RPGRIP1: variants seen among roughly 807,000 people sequenced by gnomAD.
The protein encoded by RPGRIP1 is X-linked retinitis pigmentosa GTPase regulator-interacting protein 1.
In RPGRIP1, 128 loss-of-function variants were observed where a neutral mutation model predicts 157.9. The ratio of observed to expected loss-of-function variants is 0.81; its 90% CI spans 0.70 to 0.94. RPGRIP1 has a LOEUF of 0.94. RPGRIP1 is among the 40% of genes least tolerant of loss of function. The probability of loss-of-function intolerance (pLI) is 0.00; values close to 1 mark genes in which losing one functional copy is unlikely to be tolerated. For synonymous variants in RPGRIP1, 554 were observed against 571.6 expected (o/e 0.97, Z 0.44); for missense variants, 1,486 against 1,545.8 (o/e 0.96, Z 0.65).
intron 10 of RPGRIP1, among the ~76,000 whole-genome samples, chr14:21,314,322 G>A (rs1881672152): frequency 6.6e-6 from 1 of 152,078 alleles, no homozygotes; most frequent in African/African-American, 2.4e-5. Flanking sequence ...GGGCTCAAGT[G>A]ATCTGCCTGC....
At chr14:21,349,013 G>T (rs1480476990) in intron 24 of RPGRIP1, among the ~76,000 whole-genome samples, 1 of 150,782 alleles carries the variant, frequency 6.6e-6, no homozygotes, top group Non-Finnish European at 1.5e-5. Context: ...CACATTCACT[G>T]GTCATTAAGT....
intron 4 of RPGRIP1, 107 bp downstream of exon 4, chr14:21,301,344 C>A (rs892537461): frequency 2.0e-5 from 24 of 1,209,278 alleles, no homozygotes; most frequent in South Asian, 2.9e-5. Flanking sequence ...CCATTTTGTT[C>A]TTTTGTTCTC....
chr14:21,350,981 AGATT>A (rs1886215968), intron 24 of RPGRIP1, 119 bp from the exon 25 acceptor site: 1 of 588,096 alleles, frequency 1.7e-6, no homozygotes, highest in African/African-American at 1.9e-5. Context: ...CTCCTTCACT[AGATT>A]GAGTCCTCTT....
At position 21,312,489 on chromosome 14, in the gene RPGRIP1, T is replaced by C. The variant is rs1395270436; in HGVS notation, c.1134T>C (p.Tyr378=). Reference sequence around the variant, plus strand: ...AACGAAAATTGCTGAATGACAATTATGACAAACTCTTAGAAAGGTGAGTAC... The same window carrying C: ...AACGAAAATTGCTGAATGACAATTACGACAAACTCTTAGAAAGGTGAGTAC... The part of the protein sequence containing the change: ...EKERKLLNDN[Y]DKLLESMLDS... The change falls in exon 10 of 25, where the codon TAT becomes TAC. Residue 378 remains tyrosine (Y), a synonymous_variant. Transcript: ENST00000400017. 3.1e-6 allele frequency: 5 copies of C among 1,610,864 alleles called. No individual in the cohort carries two copies. Among genetic ancestry groups the C allele is most frequent in the African/African-American group, 1.3e-5 (1 of 74,882 alleles).
intron 21 of RPGRIP1, among the ~76,000 whole-genome samples, chr14:21,335,917 G>T (rs147691756): frequency 5.9e-5 from 9 of 152,276 alleles, no homozygotes; most frequent in Non-Finnish European, 1.2e-4. Flanking sequence ...CTCTTAAGTC[G>T]CTGCTGCCTG....
chr14:21,305,205 C>T (rs1881250145), intron 6 of RPGRIP1, among the ~76,000 whole-genome samples: 1 of 152,188 alleles, frequency 6.6e-6, no homozygotes, highest in Non-Finnish European at 1.5e-5. Flanking sequence ...CTCTGTGTTC[C>T]ACCTAGTCAT....
intron 1 of RPGRIP1, among the ~76,000 whole-genome samples, 149 bp downstream of exon 1, chr14:21,280,308 A>T (rs1880081485): frequency 7.4e-6 from 1 of 135,732 alleles, no homozygotes; most frequent in Admixed American, 8.6e-5. Context: ...CACCGGCACT[A>T]TCTCTGCTCA....
chr14:21,281,700 A>AAAAAAAC (rs1555363829), intron 1 of RPGRIP1, among the ~76,000 whole-genome samples: 1 of 107,780 alleles, frequency 9.3e-6, no homozygotes, highest in Non-Finnish European at 1.8e-5. Context: ...AAAAAAAAAA[A>AAAAAAAC]AATAAATAAT....
Position 21,343,146 on chromosome 14 carries a change from C to A in RPGRIP1, c.3450C>A (p.Asp1150Glu), listed in dbSNP as rs527354795. 6.2e-7 allele frequency: 1 copy of A among 1,613,714 alleles called. No homozygotes were observed. The highest frequency in any genetic ancestry group is 2.2e-5 in the East Asian group (1 of 44,882). The change falls in exon 22 of 25, where the codon GAC (aspartate) becomes GAA (glutamate). Residue 1150 changes from aspartate (D) to glutamate (E), a missense_variant. By Grantham distance (45) the Asp-to-Glu change is conservative. Coordinates refer to ENST00000400017, the MANE Select transcript of RPGRIP1 (RefSeq NM_020366.4). Reference sequence around the variant, plus strand: ...TGTATGTGGAGTACAAATTCTACGACCTACCCTTGTCGGAGACAGAGACTC... The same window carrying A: ...TGTATGTGGAGTACAAATTCTACGAACTACCCTTGTCGGAGACAGAGACTC... Reference protein sequence around the residue: ...KQVYVEYKFYDLPLSETETPV... With the variant: ...KQVYVEYKFYELPLSETETPV...
chr14:21,315,930 C>G (rs1042902657), intron 10 of RPGRIP1, among the ~76,000 whole-genome samples: 2 of 150,020 alleles, frequency 1.3e-5, no homozygotes, highest in African/African-American at 4.9e-5. Context: ...TCCCAAGTAG[C>G]CGTGACCACA....
At chr14:21,321,503 C>T in intron 13 of RPGRIP1, 101 bp downstream of exon 13, 1 of 1,510,914 alleles carries the variant, frequency 6.6e-7, no homozygotes, top group East Asian at 2.3e-5. Flanking sequence ...AGGGCTGATA[C>T]CAGGTGATGT....
intron 10 of RPGRIP1, among the ~76,000 whole-genome samples, chr14:21,315,520 AC>A (rs1432462132): frequency 7.0e-5 from 9 of 128,326 alleles, no homozygotes; most frequent in African/African-American, 2.7e-4. Flanking sequence ...AAAAAAAAAA[AC>A]AAAAAACTTA....
intron 3 of RPGRIP1, among the ~76,000 whole-genome samples, chr14:21,295,234 A>G (rs912222155): frequency 1.1e-4 from 16 of 152,100 alleles, no homozygotes; most frequent in African/African-American, 3.9e-4. Flanking sequence ...AGCATCATTA[A>G]GAGCTTGGGT....
At chr14:21,303,892 G>A (rs1294931211) in intron 6 of RPGRIP1, among the ~76,000 whole-genome samples, 1 of 151,940 alleles carries the variant, frequency 6.6e-6, no homozygotes, top group Admixed American at 6.6e-5. Context: ...GGAGGCTGAG[G>A]CAGGAGAATC....
At chr14:21,293,586 T>C (rs955265530) in intron 2 of RPGRIP1, among the ~76,000 whole-genome samples, 3 of 149,404 alleles carry the variant, frequency 2.0e-5, no homozygotes, top group African/African-American at 7.4e-5. Context: ...CTACTAAAAA[T>C]ACAAAAATTA....
chr14:21,329,588 G>C (rs1285408952), intron 19 of RPGRIP1, among the ~76,000 whole-genome samples: 1 of 144,656 alleles, frequency 6.9e-6, no homozygotes, highest in Non-Finnish European at 1.5e-5. Context: ...TGCAACCTCC[G>C]CCTCCCAGGT....
chr14:21,340,758 T>C (rs1373858613), intron 21 of RPGRIP1, among the ~76,000 whole-genome samples: 2 of 152,190 alleles, frequency 1.3e-5, no homozygotes, highest in African/African-American at 4.8e-5. Flanking sequence ...AATACATTTC[T>C]GCAGTATCCA....
intron 10 of RPGRIP1, among the ~76,000 whole-genome samples, chr14:21,316,696 G>A (rs561788824): frequency 7.2e-5 from 11 of 152,158 alleles, no homozygotes; most frequent in Non-Finnish European, 1.3e-4. Context: ...GATTGCAGGC[G>A]TGAGCCACTG....
intron 7 of RPGRIP1, among the ~76,000 whole-genome samples, chr14:21,308,867 C>A (rs986636365): frequency 3.9e-5 from 6 of 152,106 alleles, no homozygotes; most frequent in Non-Finnish European, 8.8e-5. Context: ...CTCATGTAGC[C>A]TGTGGAAAAA....
Sources: allele counts gnomAD v4.1 joint callset (sites outside exome capture counted in the v4.1 genomes callset), GRCh38; gene constraint gnomAD v4.1.1; transcripts MANE v1.5; gene names NCBI Gene and HGNC (gene_info 2026-07-23, HGNC 2026-07-21).